Variants in PFAS observed in about 807,000 individuals in gnomAD.
The protein encoded by PFAS is phosphoribosylformylglycinamidine synthase.
In PFAS, 97 loss-of-function variants were observed where a neutral mutation model predicts 140.6. The ratio of observed to expected loss-of-function variants is 0.69; its 90% confidence interval spans 0.59 to 0.82. The LOEUF is 0.82. Ranked by LOEUF, PFAS falls within the 40% of genes least tolerant of loss-of-function variation. The pLI is 0.00. For missense variants in PFAS, 1,656 were observed against 1,780.2 expected, an observed-to-expected ratio of 0.93 and a Z score of 1.26; for synonymous variants, 679 against 718.8, an observed-to-expected ratio of 0.94 and a Z score of 0.88.
upstream of PFAS, among the ~76,000 whole-genome samples, chr17:8,248,948 C>T (rs1008005268): frequency 6.6e-6 from 1 of 152,190 alleles, no homozygotes; most frequent in African/African-American, 2.4e-5. Flanking sequence ...AAACACAGCC[C>T]GCCTGGTGGA....
Position 8,268,606 on chromosome 17 carries a change from C to T in PFAS, c.3456C>T (p.Thr1152=), listed in dbSNP as rs1989921689. The T allele has an allele frequency of 1.9e-6, 3 of 1,613,436 alleles. No individual in the cohort carries two copies. Among genetic ancestry groups the T allele is most frequent in the African/African-American group, 1.3e-5 (1 of 74,880 alleles). The change falls in exon 27 of 28, where the codon ACC becomes ACT. Residue 1152 remains threonine, a synonymous_variant. Transcript: ENST00000314666. ...ELRRFRKRPD[T]FSLGVCNGCQ... ...GGCGCTTCCGGAAGCGGCCAGACAC[C>T]TTCAGCCTGGGCGTGTGTAATGGCT...
Position 8,269,169 on chromosome 17 carries a change from G to T in PFAS, c.3922G>T (p.Ala1308Ser). The T allele has an allele frequency of 6.2e-7, 1 of 1,613,750 alleles. No individual in the cohort carries two copies. Among genetic ancestry groups the T allele is most frequent in the Non-Finnish European group, 8.5e-7 (1 of 1,179,938 alleles). The stretch of plus-strand genomic sequence containing the variant: ...GCGGGCCGTTAGGCCTTGGCAGTGG[G>T]CATGGCGACCCCCTCCATTTGATAC... Reference protein sequence around the residue: ...PERAVRPWQWAWRPPPFDTLT... With the variant: ...PERAVRPWQWSWRPPPFDTLT... The change falls in exon 28 of 28, where the codon GCA becomes TCA. Residue 1308 changes from alanine to serine, a missense_variant. Ala to Ser is a moderately conservative substitution (Grantham distance 99, BLOSUM62 1). This residue lies in a region of PFAS where 883 missense variants were observed against 1,023.0 expected (regional missense o/e 0.86). Coordinates refer to ENST00000314666, the MANE Select transcript of PFAS (RefSeq NM_012393.3).
chr17:8,268,437 AAAAAG>A (rs1989917097), intron 26 of PFAS, 91 bp from the exon 27 acceptor site: 8 of 831,262 alleles, frequency 9.6e-6, no homozygotes, highest in Admixed American at 2.7e-5. Context: ...GGAAGAAAGA[AAAAAG>A]AAAAGAAACA....
In PFAS at chr17:8,262,954, C is replaced by T. The variant is rs185842321; in HGVS notation, c.1371C>T (p.Tyr457=). The T allele has an allele frequency of 1.9e-6, 3 of 1,614,114 alleles. No homozygotes were observed. The highest frequency in any genetic ancestry group is 2.2e-5 in the East Asian group (1 of 44,888). Residue 457 remains tyrosine, a synonymous_variant, in exon 12 of 28, where the codon TAC becomes TAT. Transcript: ENST00000314666. ...MEVVKVGGPV[Y]RIGVGGGAAS... Reference sequence around the variant, plus strand: ...TTGTAAAGGTTGGAGGTCCCGTCTACAGGATTGGAGTTGGAGGTGGAGCTG... The same window carrying T: ...TTGTAAAGGTTGGAGGTCCCGTCTATAGGATTGGAGTTGGAGGTGGAGCTG...
In PFAS at chr17:8,262,009, C is replaced by G. The variant is rs190821977; in HGVS notation, c.1337-911C>G. Among the ~76,000 whole-genome samples the G allele has an allele frequency of 1.2e-3, 185 of 150,906 alleles. 1 individual carries two copies. Among genetic ancestry groups the G allele is most frequent in the Middle Eastern group, 6.8e-3 (2 of 292 alleles). On this transcript the variant is annotated intron_variant, in intron 11 of 27. Coordinates refer to ENST00000314666, the MANE Select transcript of PFAS (RefSeq NM_012393.3). ...CCAGCCTGGGCAACCGAGCAAGACC[C>G]CATCTCAAAAAAAAAAAAAGTTTTT...
rs183097027 is a variant in PFAS, at chr17:8,253,481, G to T, written c.-79-378G>T. On this transcript the variant is annotated intron_variant, in intron 1 of 27. Coordinates refer to ENST00000314666, the MANE Select transcript of PFAS (RefSeq NM_012393.3). ...TTTCCCCTACCCTATCCATAACGCC[G>T]CAATTTTCCTTGAAATCTGAAATCA... Among the ~76,000 whole-genome samples, 7 of 152,204 alleles carry T rather than the reference G, an allele frequency of 4.6e-5. No homozygotes were observed. In the East Asian group the frequency reaches 1.3e-3, roughly 29 times the overall value.
chr17:8,266,500 G>T lies in PFAS; in HGVS notation c.2821+147G>T. 1 of 1,481,160 alleles carries T rather than the reference G, an allele frequency of 6.8e-7. No homozygotes were observed. The highest frequency in any genetic ancestry group is 2.4e-5 in the East Asian group (1 of 41,726). The allele number at this position is 1,481,160 out of a possible 1,614,324, so 91.8% of individuals were successfully genotyped here. On this transcript the variant is annotated intron_variant, in intron 22 of 27. Transcript: ENST00000314666. The surrounding 1 kb of genome is among the most constrained non-coding windows in gnomAD (Gnocchi z 5.0). ...GCTTTTCTGTGCTGTCTCTCTGACA[G>T]CTGAACTGGATGGAACTGGCTGACA...
rs201021875 is a variant in PFAS at position 8,264,299 on chromosome 17, C to G, written c.1879C>G (p.Leu627Val). ...PPTPLPTPVD[L>V]ELEWVLGKMP... is the part of the protein sequence containing the mutation. ...GACACCCCTGCCAACCCCTGTGGAC[C>G]TGGAGCTCGAATGGGTGCTGGGCAA... Residue 627 changes from leucine (L) to valine (V), a missense_variant, in exon 16 of 28, where the codon CTG becomes GTG. Leu to Val is a conservative substitution (Grantham distance 32, BLOSUM62 1). This residue lies in a region of PFAS where 883 missense variants were observed against 1,023.0 expected (regional missense o/e 0.86). Coordinates refer to ENST00000314666, the MANE Select transcript of PFAS (RefSeq NM_012393.3). 8 of 1,613,948 alleles carry G rather than the reference C, an allele frequency of 5.0e-6. No individual in the cohort carries two copies. The highest frequency in any genetic ancestry group is 2.2e-5 in the South Asian group (2 of 91,080).
Position 8,266,040 on chromosome 17 carries a change from A to T in PFAS, c.2701+23A>T. ...AAGGTGAGTGAAGACCCCTGGGGAG[A>T]TAGCGCACAGGGTGCCAGGCGTGCA... On this transcript the variant is annotated intron_variant, in intron 21 of 27. Coordinates refer to ENST00000314666, the MANE Select transcript of PFAS (RefSeq NM_012393.3). This position sits in a 1 kb window ranked among gnomAD's most constrained non-coding sequence, Gnocchi z 5.0. The T allele has an allele frequency of 6.3e-7, 1 of 1,581,718 alleles. No homozygotes were observed. Among genetic ancestry groups the T allele is most frequent in the African/African-American group, 1.3e-5 (1 of 74,320 alleles).
chr17:8,248,036 T>C (rs779499831), upstream of PFAS: 3 of 1,542,956 alleles, frequency 1.9e-6, no homozygotes, highest in Admixed American at 1.8e-5. Flanking sequence ...CCAGCCGCCA[T>C]GATGCGCCGG....
chr17:8,251,028 C>T (rs1989129185), intron 1 of PFAS, among the ~76,000 whole-genome samples: 1 of 151,622 alleles, frequency 6.6e-6, no homozygotes, highest in African/African-American at 2.4e-5. Context: ...TCGCTCACGC[C>T]TATAATCCCA....
At position 8,264,540 on chromosome 17, in the gene PFAS, A is replaced by G; in HGVS notation, c.1988A>G (p.Gln663Arg). The change falls in exon 17 of 28, where the codon CAG becomes CGG. Residue 663 changes from glutamine to arginine, a missense_variant. Gln to Arg is a conservative substitution (Grantham distance 43). Transcript: ENST00000314666. ...TTGCCCCCAGGGCTGAGCGTGCACC[A>G]GGCTCTGGAGAGGGTTCTGAGGCTG... ...LALPPGLSVH[Q>R]ALERVLRLPA... 6.2e-7 allele frequency: 1 copy of G among 1,613,550 alleles called. No individual in the cohort carries two copies. The highest frequency in any genetic ancestry group is 8.5e-7 in the Non-Finnish European group (1 of 1,179,780).
intron 1 of PFAS, among the ~76,000 whole-genome samples, chr17:8,253,533 T>C (rs1330026814): frequency 2.0e-5 from 3 of 152,140 alleles, no homozygotes; most frequent in Admixed American, 6.5e-5. Flanking sequence ...ATAGTTAATG[T>C]TATTTTTATT....
intron 11 of PFAS, among the ~76,000 whole-genome samples, chr17:8,261,849 G>A (rs754726265): frequency 4.0e-5 from 6 of 151,394 alleles, no homozygotes; most frequent in Non-Finnish European, 8.8e-5. Context: ...GAGCTCAAGC[G>A]ATCCGCCCGC....
Position 8,263,190 on chromosome 17 carries a change from G to A in PFAS, c.1492G>A (p.Val498Met). The stretch of plus-strand genomic sequence containing the variant: ...GGAGATGGAACAGAAGATGAACCGT[G>A]TGATCAGGGCTTGTGTGGAGGCCCC... ...DPEMEQKMNR[V>M]IRACVEAPKG... The change falls in exon 13 of 28, where the codon GTG becomes ATG. Residue 498 changes from valine to methionine, a missense_variant. By Grantham distance (21) the Val-to-Met change is conservative. This residue lies in a region of PFAS where 773 missense variants were observed against 757.3 expected (regional missense o/e 1.02). Transcript: ENST00000314666. The A allele has an allele frequency of 6.2e-7, 1 of 1,614,106 alleles. No homozygotes were observed. Among genetic ancestry groups the A allele is most frequent in the Non-Finnish European group, 8.5e-7 (1 of 1,179,934 alleles).
chr17:8,268,123 G>T (rs1431385490), intron 26 of PFAS, among the ~76,000 whole-genome samples: 1 of 145,080 alleles, frequency 6.9e-6, no homozygotes, highest in African/African-American at 2.5e-5. Flanking sequence ...GTGCAATGGC[G>T]CAATCTTGGC....
intron 11 of PFAS, among the ~76,000 whole-genome samples, chr17:8,259,815 T>G (rs138286036): frequency 1.2e-3 from 173 of 141,704 alleles, no homozygotes; most frequent in African/African-American, 4.2e-3. Flanking sequence ...AAAAAATAAA[T>G]GTAGGCTGAG....
chr17:8,263,890 A>G lies in PFAS; in HGVS notation c.1745A>G (p.Glu582Gly). 1 of 1,614,098 alleles carries G rather than the reference A, an allele frequency of 6.2e-7. No homozygotes were observed. ...TTCCTGACTCATGTCAGTGCCCGTG[A>G]ACGTTGCCCGGCTTGCTTCGTGGGC... ...RDFLTHVSAR[E>G]RCPACFVGTI... is the part of the protein sequence containing the mutation. The change falls in exon 15 of 28, where the codon GAA (glutamate) becomes GGA (glycine). Residue 582 changes from glutamate to glycine, a missense_variant. Around this residue, in one of 2 missense-constraint regions of PFAS, gnomAD observed 773 missense variants for 757.3 expected, o/e 1.02. Transcript: ENST00000314666.
chr17:8,249,806 T>A (rs1327799104), intron 1 of PFAS, among the ~76,000 whole-genome samples: 1 of 152,198 alleles, frequency 6.6e-6, no homozygotes, highest in African/African-American at 2.4e-5. Flanking sequence ...ATTAAGTCAT[T>A]CCACAAGTTT....
Sources: allele counts gnomAD v4.1 joint callset (sites outside exome capture counted in the v4.1 genomes callset), GRCh38; gene constraint gnomAD v4.1.1; regional missense constraint gnomAD v4.1.1; non-coding constraint Gnocchi (gnomAD v3.1); transcripts MANE v1.5; gene names NCBI Gene and HGNC (gene_info 2026-07-23, HGNC 2026-07-21).